The following DFFB variants were observed in gnomAD, a reference collection of about 807,000 sequenced individuals.
DFFB encodes DNA fragmentation factor 40 kDa subunit.
In DFFB, 29 loss-of-function variants were observed where a neutral mutation model predicts 32.7. The ratio of observed to expected loss-of-function variants is 0.89; its 90% CI spans 0.66 to 1.21. The LOEUF is 1.21. Among genes scored for constraint, DFFB ranks in the 50% most tolerant of loss-of-function variants. DFFB has a pLI of 0.00. For missense variants in DFFB, 398 were observed against 440.6 expected (o/e 0.90, Z 0.87); for synonymous variants, 170 against 177.1 (o/e 0.96, Z 0.32).
At chr1:3,858,349 C>T (rs989777319) in intron 1 of DFFB, among the ~76,000 whole-genome samples, 1 of 152,222 alleles carries the variant, frequency 6.6e-6, no homozygotes, top group African/African-American at 2.4e-5. Context: ...GCCAGCACCG[C>T]TCTGGCGGCT....
intron 2 of DFFB, among the ~76,000 whole-genome samples, chr1:3,863,212 A>G (rs1475380660): frequency 6.6e-6 from 1 of 152,240 alleles, no homozygotes; most frequent in African/African-American, 2.4e-5. Context: ...CCAATTAAAC[A>G]TGGGCAAAGG....
In DFFB at chr1:3,857,512, C is replaced by G; in HGVS notation, c.-92C>G. On this transcript the variant is annotated 5_prime_UTR_variant, in exon 1 of 7. Transcript: ENST00000378209. ...GCCAGCTTGCAGAGCTCACCAGGTG[C>G]AGACCCCTGCGGCCAGGGCGAGGAC... 1 of 895,548 alleles carries G rather than the reference C, an allele frequency of 1.1e-6. No individual in the cohort carries two copies. 55.5% of individuals were successfully genotyped at this position (895,548 alleles called of 1,614,324 possible).
chr1:3,867,969 T>C lies in DFFB; in HGVS notation c.431-5T>C, dbSNP rs761754804. 2 of 1,614,058 alleles carry C rather than the reference T, an allele frequency of 1.2e-6. No individual in the cohort carries two copies. Among genetic ancestry groups the C allele is most frequent in the South Asian group, 2.2e-5 (2 of 91,082 alleles). On this transcript the variant is annotated splice_polypyrimidine_tract_variant and splice_region_variant and intron_variant, in intron 3 of 6. Transcript: ENST00000378209. ...GACTTGGGGGTCTTCTCGTTTTCCT[T>C]GCAGGCTTGGAGTCCCGATTTCAGA... is the stretch of plus-strand genomic sequence containing the variant.
At chr1:3,881,132 T>G (rs1645328761) in intron 6 of DFFB, among the ~76,000 whole-genome samples, 1 of 152,206 alleles carries the variant, frequency 6.6e-6, no homozygotes, top group African/African-American at 2.4e-5. Flanking sequence ...ACTTGTCCCC[T>G]CTGAACACTG....
chr1:3,859,104 T>A (rs1365270986), intron 2 of DFFB, among the ~76,000 whole-genome samples: 1 of 152,196 alleles, frequency 6.6e-6, no homozygotes, highest in African/African-American at 2.4e-5. Flanking sequence ...TGCGTTCATT[T>A]GAGGTGTCCT....
chr1:3,873,302 G>A (rs1645156517), intron 6 of DFFB, among the ~76,000 whole-genome samples: 1 of 152,172 alleles, frequency 6.6e-6, no homozygotes, highest in Admixed American at 6.6e-5. Flanking sequence ...GAATATAATT[G>A]TAGCCTTGCC....
chr1:3,860,371 C>T (rs754677663), intron 2 of DFFB: 2 of 377,320 alleles, frequency 5.3e-6, no homozygotes, highest in Non-Finnish European at 1.1e-5. Flanking sequence ...GGACCACAGG[C>T]ATGCATTACC....
chr1:3,871,877 C>T (rs185975036), intron 5 of DFFB, among the ~76,000 whole-genome samples: 3 of 152,176 alleles, frequency 2.0e-5, no homozygotes, highest in Admixed American at 1.3e-4. Context: ...ATCTCACGTG[C>T]GGGGAGCAGG....
At position 3,857,650 on chromosome 1, in the gene DFFB, C is replaced by T; in HGVS notation, c.47C>T (p.Pro16Leu). Reference sequence around the variant, plus strand: ...GTGAAGCTGCGGGCCCTGCGCAGCCCGAGGAAGTTCGGCGTGGCTGGCCGG... The same window carrying T: ...GTGAAGCTGCGGGCCCTGCGCAGCCTGAGGAAGTTCGGCGTGGCTGGCCGG... ...KSVKLRALRSPRKFGVAGRSC... is the reference protein window; with the variant it reads ...KSVKLRALRSLRKFGVAGRSC... Residue 16 changes from proline (P) to leucine (L), a missense_variant, in exon 1 of 7, where the codon CCG becomes CTG. Physicochemically the swap from Pro to Leu is moderately conservative, Grantham distance 98 (BLOSUM62 -3). Transcript: ENST00000378209. The T allele has an allele frequency of 1.2e-6, 2 of 1,600,536 alleles. No individual in the cohort carries two copies. The highest frequency in any genetic ancestry group is 2.2e-5 in the South Asian group (2 of 88,948).
At chr1:3,872,393 C>T in intron 5 of DFFB, 79 bp from the exon 6 acceptor site, 1 of 1,078,628 alleles carries the variant, frequency 9.3e-7, no homozygotes, top group Non-Finnish European at 1.4e-6. Flanking sequence ...AGCCTGGCGA[C>T]AGAGCGAGGC....
intron 6 of DFFB, among the ~76,000 whole-genome samples, chr1:3,881,372 C>T (rs1380387935): frequency 1.3e-5 from 2 of 152,236 alleles, no homozygotes; most frequent in Admixed American, 6.5e-5. Flanking sequence ...GCCCAAGCCC[C>T]GGGCTCCACT....
intron 3 of DFFB, among the ~76,000 whole-genome samples, chr1:3,867,129 C>G (rs1368296780): frequency 6.6e-6 from 1 of 152,188 alleles, no homozygotes; most frequent in East Asian, 1.9e-4. Context: ...ATCTCCTGAC[C>G]TCGTGATCCG....
intron 6 of DFFB, among the ~76,000 whole-genome samples, chr1:3,880,586 C>A (rs1645315876): frequency 6.6e-6 from 1 of 152,184 alleles, no homozygotes; most frequent in African/African-American, 2.4e-5. Flanking sequence ...GCTGGTGGAG[C>A]CTTCTGCTGC....
At chr1:3,867,268 G>A (rs1489275563) in intron 3 of DFFB, among the ~76,000 whole-genome samples, 2 of 152,202 alleles carry the variant, frequency 1.3e-5, no homozygotes, top group South Asian at 2.1e-4. Context: ...ACTCCACTGC[G>A]TGTACATACC....
At chr1:3,880,562 G>C (rs1451369037) in intron 6 of DFFB, among the ~76,000 whole-genome samples, 1 of 152,162 alleles carries the variant, frequency 6.6e-6, no homozygotes, top group Admixed American at 6.5e-5. Context: ...GCCGCTGCTG[G>C]GTCTGCCTCT....
At chr1:3,877,543 T>G (rs1645249722) in intron 6 of DFFB, among the ~76,000 whole-genome samples, 1 of 151,986 alleles carries the variant, frequency 6.6e-6, no homozygotes, top group South Asian at 2.1e-4. Flanking sequence ...TTGGCCGAGC[T>G]GGTCTCGAAC....
chr1:3,877,789 A>G (rs1342642656), intron 6 of DFFB, among the ~76,000 whole-genome samples: 1 of 152,048 alleles, frequency 6.6e-6, no homozygotes, highest in African/African-American at 2.4e-5. Context: ...GTAACTGGTC[A>G]GCGTTTGTAG....
At chr1:3,883,371 G>T (rs1298484019) in intron 6 of DFFB, 136 bp from the exon 7 acceptor site, 7 of 779,794 alleles carry the variant, frequency 9.0e-6, no homozygotes, top group Middle Eastern at 3.7e-4. Context: ...AACAAACCTG[G>T]CCAGTAGGTG....
intron 6 of DFFB, among the ~76,000 whole-genome samples, chr1:3,879,063 G>A (rs959603407): frequency 1.3e-5 from 2 of 152,228 alleles, no homozygotes; most frequent in African/African-American, 4.8e-5. Flanking sequence ...TCTGGAATCT[G>A]TGAGAAATCT....
Sources: gnomAD v4.1 joint callset for allele counts (sites outside exome capture counted in the v4.1 genomes callset) on GRCh38, gnomAD v4.1.1 for gene constraint, MANE v1.5 for transcripts, NCBI Gene and HGNC (gene_info 2026-07-23, HGNC 2026-07-21) for gene names.